The following MATCAP2 variants were observed in gnomAD, a reference collection of about 807,000 sequenced individuals.
The protein encoded by MATCAP2 is microtubule associated tyrosine carboxypeptidase 2.
At chr7:36,348,577 C>A in the MATCAP2 span, among the ~76,000 whole-genome samples, 1 of 152,226 alleles carries the variant, frequency 6.6e-6, no homozygotes, top group Non-Finnish European at 1.5e-5. Flanking sequence ...AAGGACCATT[C>A]ATTTATCTAG....
the MATCAP2 span, among the ~76,000 whole-genome samples, chr7:36,352,271 C>A: frequency 1.4e-4 from 21 of 151,784 alleles, no homozygotes; most frequent in Non-Finnish European, 2.4e-4. Flanking sequence ...GCAGCGCACG[C>A]CTGTAATCCC....
chr7:36,335,425 C>A, the MATCAP2 span, among the ~76,000 whole-genome samples: 4 of 152,148 alleles, frequency 2.6e-5, no homozygotes, highest in African/African-American at 9.7e-5. Flanking sequence ...GAGGAAGACA[C>A]GAAGGACTTA....
the MATCAP2 span, among the ~76,000 whole-genome samples, chr7:36,365,417 A>C: frequency 6.6e-6 from 1 of 152,212 alleles, no homozygotes; most frequent in South Asian, 2.1e-4. Context: ...TAACAGTGCT[A>C]GGCTGGGCAC....
the MATCAP2 span, chr7:36,390,013 C>T: frequency 2.5e-6 from 4 of 1,614,072 alleles, 1 homozygote; most frequent in Admixed American, 6.7e-5. Context: ...TCTCGTAGTC[C>T]GACGCCTGGG....
At chr7:36,373,717 T>C in the MATCAP2 span, among the ~76,000 whole-genome samples, 4 of 152,292 alleles carry the variant, frequency 2.6e-5, no homozygotes, top group Non-Finnish European at 5.9e-5. Context: ...AGTGCCATTA[T>C]TACAGGAGTG....
the MATCAP2 span, among the ~76,000 whole-genome samples, chr7:36,366,506 G>A: frequency 9.9e-5 from 15 of 152,116 alleles, no homozygotes; most frequent in African/African-American, 3.6e-4. Context: ...AATATACACA[G>A]TATAAATAAT....
At chr7:36,379,419 G>C in the MATCAP2 span, among the ~76,000 whole-genome samples, 1 of 152,104 alleles carries the variant, frequency 6.6e-6, no homozygotes, top group Non-Finnish European at 1.5e-5. Flanking sequence ...TGTACATAGA[G>C]AGTAACATAT....
the MATCAP2 span, among the ~76,000 whole-genome samples, chr7:36,346,128 G>GA: frequency 2.7e-5 from 4 of 150,688 alleles, no homozygotes; most frequent in Non-Finnish European, 3.0e-5. Context: ...ATGTCTATAG[G>GA]AAAAAAAAAG....
At chr7:36,367,084 G>A in the MATCAP2 span, 3 of 1,255,176 alleles carry the variant, frequency 2.4e-6, no homozygotes, top group South Asian at 3.4e-5. Context: ...AGCAGGATAA[G>A]GAGGGTAAGG....
chr7:36,374,351 A>T, the MATCAP2 span, among the ~76,000 whole-genome samples: 4 of 151,660 alleles, frequency 2.6e-5, no homozygotes, highest in Non-Finnish European at 5.9e-5. Context: ...AAGTGCTGGG[A>T]TTATAGGCAT....
the MATCAP2 span, among the ~76,000 whole-genome samples, chr7:36,364,004 T>C: frequency 6.6e-6 from 1 of 152,104 alleles, no homozygotes; most frequent in African/African-American, 2.4e-5. Context: ...TTAATCTATA[T>C]TTTAGAATCA....
At chr7:36,381,955 C>T in the MATCAP2 span, among the ~76,000 whole-genome samples, 1 of 152,036 alleles carries the variant, frequency 6.6e-6, no homozygotes, top group South Asian at 2.1e-4. Context: ...TGACAGACAT[C>T]AATGGAGTGC....
chr7:36,366,789 G>C, the MATCAP2 span: 7 of 1,533,850 alleles, frequency 4.6e-6, no homozygotes, highest in African/African-American at 8.3e-5. Flanking sequence ...CGCCCCGAAG[G>C]GGTCGGGGCG....
the MATCAP2 span, among the ~76,000 whole-genome samples, chr7:36,376,819 T>G: frequency 1.3e-5 from 2 of 152,262 alleles, no homozygotes; most frequent in Admixed American, 1.3e-4. Flanking sequence ...CTTTTCTTGT[T>G]GAATTGATCC....
At chr7:36,358,561 G>A in the MATCAP2 span, among the ~76,000 whole-genome samples, 1 of 152,318 alleles carries the variant, frequency 6.6e-6, no homozygotes, top group Non-Finnish European at 1.5e-5. Context: ...CAAATGGCAA[G>A]TGAAGGAGAG....
At chr7:36,330,042 C>T in the MATCAP2 span, among the ~76,000 whole-genome samples, 9 of 109,600 alleles carry the variant, frequency 8.2e-5, no homozygotes, top group South Asian at 3.7e-4. Flanking sequence ...CTGTGCCGAT[C>T]TTTTTTTTTT....
the MATCAP2 span, among the ~76,000 whole-genome samples, chr7:36,343,761 G>C: frequency 4.6e-5 from 7 of 151,908 alleles, no homozygotes; most frequent in Admixed American, 4.6e-4. Context: ...CTTAGGAAAA[G>C]AGAAAAAAGG....
At chr7:36,348,164 T>C in the MATCAP2 span, among the ~76,000 whole-genome samples, 3 of 152,202 alleles carry the variant, frequency 2.0e-5, no homozygotes, top group Non-Finnish European at 4.4e-5. Context: ...TACATACATA[T>C]ACATATTCTG....
the MATCAP2 span, chr7:36,324,321 T>C: frequency 6.6e-6 from 1 of 152,196 alleles, no homozygotes; most frequent in Non-Finnish European, 1.5e-5. Context: ...TTTACAAAGG[T>C]GACAATATAA....
Sources: gnomAD v4.1 joint callset for allele counts (sites outside exome capture counted in the v4.1 genomes callset) on GRCh38, gnomAD v4.1.1 for gene constraint, MANE v1.5 for transcripts, NCBI Gene and HGNC (gene_info 2026-07-23, HGNC 2026-07-21) for gene names.